The following GRK5 variants were observed in gnomAD, a reference collection of about 807,000 sequenced individuals.
The protein encoded by GRK5 is g protein-coupled receptor kinase GRK5.
In GRK5, 40 loss-of-function variants were observed where a neutral mutation model predicts 78.4. The ratio of observed to expected loss-of-function variants is 0.51; its 90% CI spans 0.40 to 0.66. The LOEUF (loss-of-function observed/expected upper bound fraction) is 0.66. Ranked by LOEUF, GRK5 falls within the 30% of genes least tolerant of loss-of-function variation. The pLI is 0.00. For synonymous variants in GRK5, 289 were observed against 296.8 expected, an observed-to-expected ratio of 0.97 and a Z score of 0.27; for missense variants, 598 against 759.9, an observed-to-expected ratio of 0.79 and a Z score of 2.50.
At chr10:119,219,457 A>G (rs986266386) in intron 1 of GRK5, among the ~76,000 whole-genome samples, 1 of 152,194 alleles carries the variant, frequency 6.6e-6, no homozygotes, top group African/African-American at 2.4e-5. Context: ...AAATCCAAAA[A>G]CATCAGAAAT....
intron 1 of GRK5, among the ~76,000 whole-genome samples, chr10:119,323,186 T>A (rs759078251): frequency 2.0e-5 from 3 of 152,228 alleles, no homozygotes; most frequent in Non-Finnish European, 4.4e-5. Flanking sequence ...GTTCAGAGTT[T>A]CAGTTTGGGA....
intron 1 of GRK5, among the ~76,000 whole-genome samples, chr10:119,239,853 C>T (rs1193870549): frequency 1.3e-5 from 2 of 152,078 alleles, no homozygotes; most frequent in Non-Finnish European, 2.9e-5. Context: ...TGAACTCATC[C>T]TTTTTTATGG....
At chr10:119,245,333 A>G (rs183581801) in intron 1 of GRK5, among the ~76,000 whole-genome samples, 3 of 152,266 alleles carry the variant, frequency 2.0e-5, no homozygotes, top group Admixed American at 2.0e-4. Flanking sequence ...TCCCTTGTTC[A>G]TTGCAGCATT....
intron 1 of GRK5, among the ~76,000 whole-genome samples, chr10:119,216,925 TAAA>T (rs900204115): frequency 1.7e-4 from 26 of 152,106 alleles, no homozygotes; most frequent in African/African-American, 5.5e-4. Context: ...AAACTCCGTC[TAAA>T]AGGTAAAATA....
intron 6 of GRK5, among the ~76,000 whole-genome samples, chr10:119,427,706 C>A (rs1006483140): frequency 7.4e-6 from 1 of 135,054 alleles, no homozygotes; most frequent in East Asian, 2.2e-4. Flanking sequence ...AACAGCATCA[C>A]CACCATCATT....
At chr10:119,208,242 C>T (rs1249414276) in intron 1 of GRK5, among the ~76,000 whole-genome samples, 1 of 152,230 alleles carries the variant, frequency 6.6e-6, no homozygotes, top group Non-Finnish European at 1.5e-5. Flanking sequence ...CGTGCCATCT[C>T]GGCAGCTGTT....
chr10:119,220,839 T>A (rs1304901655), intron 1 of GRK5, among the ~76,000 whole-genome samples: 400 of 93,798 alleles, frequency 4.3e-3, no homozygotes, highest in African/African-American at 0.015. Context: ...AAAAAAAAAA[T>A]TTGCAAAGGT....
Position 119,452,375 on chromosome 10 carries a change from C to T in GRK5, c.1405-296C>T. ...GCCCCGAGCTCCTGTGTCACCCCAG[C>T]CAGGGTCCCCGTCATGGATCTGAGA... is the stretch of plus-strand genomic sequence containing the variant. On this transcript the variant is annotated intron_variant, in intron 13 of 15. Coordinates refer to ENST00000392870, the MANE Select transcript of GRK5 (RefSeq NM_005308.3). The surrounding 1 kb of genome is among the most constrained non-coding windows in gnomAD (Gnocchi z 4.4). The T allele has an allele frequency of 5.4e-6, 2 of 367,580 alleles. No homozygotes were observed. The highest frequency in any genetic ancestry group is 1.0e-5 in the Non-Finnish European group (2 of 198,774). 22.8% of individuals were successfully genotyped at this position (367,580 alleles called of 1,614,324 possible). A position where few individuals can be genotyped will look rare whatever the true frequency, so the allele number is the denominator to read the frequency against.
chr10:119,388,191 G>A (rs1284339410), intron 3 of GRK5, among the ~76,000 whole-genome samples: 2 of 152,056 alleles, frequency 1.3e-5, no homozygotes, highest in African/African-American at 4.8e-5. Context: ...CTGGCCTCAA[G>A]TGATGCTTCC....
rs567314551 is a variant in GRK5 at position 119,230,213 on chromosome 10, C to T, written c.52+22244C>T. 4.6e-5 allele frequency among the ~76,000 whole-genome samples: 7 copies of T among 152,166 alleles called. No homozygotes were observed. In the South Asian group the frequency reaches 1.5e-3, roughly 32 times the overall value. ...TAGGCAAAAAATAGCCGGCCAGGTA[C>T]GGTAGCTCACGCCTGTAATCCTAGC... is the stretch of plus-strand genomic sequence containing the variant. On this transcript the variant is annotated intron_variant, in intron 1 of 15. Transcript: ENST00000392870.
chr10:119,388,846 A>G (rs886915268), intron 3 of GRK5, among the ~76,000 whole-genome samples: 2 of 152,200 alleles, frequency 1.3e-5, no homozygotes, highest in African/African-American at 4.8e-5. Flanking sequence ...AGTTATTCAC[A>G]TGCCTGGCAG....
chr10:119,365,171 G>A (rs765678456), intron 2 of GRK5, among the ~76,000 whole-genome samples: 12 of 152,172 alleles, frequency 7.9e-5, no homozygotes, highest in Non-Finnish European at 1.5e-4. Flanking sequence ...GGAGAGAAAC[G>A]CACATGTTTT....
chr10:119,439,564 T>C (rs1852989094), intron 9 of GRK5, among the ~76,000 whole-genome samples, 167 bp from the exon 10 acceptor site: 1 of 152,196 alleles, frequency 6.6e-6, no homozygotes, highest in Admixed American at 6.5e-5. Context: ...GGAGAAAAAT[T>C]AGCTGAAGAT....
chr10:119,229,005 C>T (rs1243726803), intron 1 of GRK5, among the ~76,000 whole-genome samples: 2 of 152,146 alleles, frequency 1.3e-5, no homozygotes, highest in Non-Finnish European at 2.9e-5. Flanking sequence ...ACTGTAAATA[C>T]ACATCATTAA....
In GRK5 at chr10:119,412,930, G is replaced by A. The variant is rs758066240; in HGVS notation, c.340-10236G>A. ...TGAGCTCAGGGAATCGGAGCTCGGC[G>A]AGACGAGGGGAGCTCTTGGCCGTGT... On this transcript the variant is annotated intron_variant, in intron 4 of 15. Coordinates refer to ENST00000392870, the MANE Select transcript of GRK5 (RefSeq NM_005308.3). This position sits in a 1 kb window ranked among gnomAD's most constrained non-coding sequence, Gnocchi z 4.3. 1.2e-4 allele frequency among the ~76,000 whole-genome samples: 18 copies of A among 152,286 alleles called. No individual in the cohort carries two copies. The highest frequency in any genetic ancestry group is 1.9e-4 in the Non-Finnish European group (13 of 68,024).
At chr10:119,256,965 G>A (rs566109954) in intron 1 of GRK5, among the ~76,000 whole-genome samples, 1 of 152,166 alleles carries the variant, frequency 6.6e-6, no homozygotes, top group African/African-American at 2.4e-5. Context: ...GACATTTCAC[G>A]TAAATGAAAT....
intron 2 of GRK5, among the ~76,000 whole-genome samples, chr10:119,361,236 C>T (rs1184065957): frequency 6.6e-6 from 1 of 152,196 alleles, no homozygotes; most frequent in African/African-American, 2.4e-5. Flanking sequence ...CGGCTCATGG[C>T]AGGTGCTAAA....
intron 1 of GRK5, among the ~76,000 whole-genome samples, chr10:119,256,905 C>CGGTCCCTGGCAACCGCCAATCTGGGT (rs1849295467): frequency 6.6e-6 from 1 of 152,214 alleles, no homozygotes; most frequent in Admixed American, 6.5e-5. Flanking sequence ...GCCCCTACCA[C>CGGTCCCTGGCAACCGCCAATCTGGGT]GGTCCCTGGC....
At chr10:119,289,539 G>C (rs1849914640) in intron 1 of GRK5, among the ~76,000 whole-genome samples, 1 of 152,210 alleles carries the variant, frequency 6.6e-6, no homozygotes, top group South Asian at 2.1e-4. Flanking sequence ...ACTTCCAGCT[G>C]GTGGATGTAG....
Sources: allele counts gnomAD v4.1 joint callset (sites outside exome capture counted in the v4.1 genomes callset), GRCh38; gene constraint gnomAD v4.1.1; non-coding constraint Gnocchi (gnomAD v3.1); transcripts MANE v1.5; gene names NCBI Gene and HGNC (gene_info 2026-07-23, HGNC 2026-07-21).